The following COTL1 variants were observed in gnomAD, a reference collection of about 807,000 sequenced individuals.
The protein encoded by COTL1 is coactosin-like protein.
A neutral mutation model predicts 16.5 loss-of-function variants in COTL1; 15 were observed. The ratio of observed to expected loss-of-function variants is 0.91; its 90% CI spans 0.61 to 1.40. COTL1 has a LOEUF of 1.40. COTL1 is among the 40% of genes most tolerant of loss of function. The pLI is 0.00. For synonymous variants in COTL1, 112 were observed against 85.3 expected (o/e 1.31, Z -1.73); for missense variants, 220 against 201.5 (o/e 1.09, Z -0.56).
intron 3 of COTL1, among the ~76,000 whole-genome samples, chr16:84,581,978 C>CTTT (rs11332563): frequency 0.011 from 718 of 65,932 alleles, 1 homozygote; most frequent in Non-Finnish European, 0.017. Flanking sequence ...TACATTTCTT[C>CTTT]TTTTTTTTTT....
chr16:84,601,056 T>A (rs1271115781), intron 2 of COTL1, among the ~76,000 whole-genome samples: 2 of 152,138 alleles, frequency 1.3e-5, no homozygotes, highest in Non-Finnish European at 2.9e-5. Context: ...GAGGACCTTA[T>A]TACAGTATCT....
chr16:84,615,865 G>GTGTGTGTGTC (rs1352350863), intron 2 of COTL1: 1 of 151,326 alleles, frequency 6.6e-6, no homozygotes, highest in Non-Finnish European at 1.5e-5. Context: ...GTGTGTGTGT[G>GTGTGTGTGTC]TGTGTGTGTG....
chr16:84,593,927 T>A (rs1184306055), intron 2 of COTL1, among the ~76,000 whole-genome samples: 2 of 152,056 alleles, frequency 1.3e-5, no homozygotes, highest in African/African-American at 4.8e-5. Context: ...CACTCCCCAT[T>A]CTCCACCCCA....
chr16:84,603,793 C>T (rs1905152192), intron 2 of COTL1, among the ~76,000 whole-genome samples: 1 of 151,930 alleles, frequency 6.6e-6, no homozygotes, highest in Non-Finnish European at 1.5e-5. Context: ...AGACCCTGCC[C>T]AGCTGGGAAT....
At chr16:84,601,384 G>A (rs1905103483) in intron 2 of COTL1, among the ~76,000 whole-genome samples, 1 of 152,242 alleles carries the variant, frequency 6.6e-6, no homozygotes, top group South Asian at 2.1e-4. Flanking sequence ...ATCAAGGAAA[G>A]AAGGAAATCC....
intron 3 of COTL1, among the ~76,000 whole-genome samples, chr16:84,587,881 C>T (rs1298774165): frequency 6.6e-6 from 1 of 152,058 alleles, no homozygotes; most frequent in African/African-American, 2.4e-5. Flanking sequence ...AAGAGATTCT[C>T]CTGTCTCAGC....
chr16:84,569,759 G>C (rs1904315038), intron 3 of COTL1, among the ~76,000 whole-genome samples: 1 of 152,198 alleles, frequency 6.6e-6, no homozygotes, highest in African/African-American at 2.4e-5. Flanking sequence ...TTGGATGTAA[G>C]AGCCAGAAAG....
At chr16:84,591,924 TGTGCATGCGG>T (rs1904879765) in intron 2 of COTL1, among the ~76,000 whole-genome samples, 1 of 152,062 alleles carries the variant, frequency 6.6e-6, no homozygotes, top group Non-Finnish European at 1.5e-5. Context: ...TGTGTGTGCG[TGTGCATGCGG>T]GTGCATGTGT....
intron 2 of COTL1, among the ~76,000 whole-genome samples, chr16:84,613,237 T>A (rs1199360630): frequency 6.6e-6 from 1 of 152,060 alleles, no homozygotes; most frequent in Non-Finnish European, 1.5e-5. Flanking sequence ...TGACCTCAAG[T>A]GATCCACCTG....
At chr16:84,569,948 C>T (rs1255834730) in intron 3 of COTL1, among the ~76,000 whole-genome samples, 1 of 152,182 alleles carries the variant, frequency 6.6e-6, no homozygotes, top group Non-Finnish European at 1.5e-5. Context: ...CTTGAAGTTC[C>T]AGTCGGTTAG....
chr16:84,616,793 G>C (rs1905497336), intron 2 of COTL1, among the ~76,000 whole-genome samples: 1 of 152,144 alleles, frequency 6.6e-6, no homozygotes, highest in South Asian at 2.1e-4. Context: ...TAAGTATACA[G>C]TCTGATGATT....
At chr16:84,612,724 A>G (rs535088027) in intron 2 of COTL1, among the ~76,000 whole-genome samples, 20 of 152,222 alleles carry the variant, frequency 1.3e-4, no homozygotes, top group Non-Finnish European at 2.8e-4. Context: ...CAGAGGCTGC[A>G]CTCCAGCCTG....
At chr16:84,613,096 G>C (rs1235365012) in intron 2 of COTL1, among the ~76,000 whole-genome samples, 1 of 151,760 alleles carries the variant, frequency 6.6e-6, no homozygotes. Flanking sequence ...TGCCTCCTGG[G>C]TTCAAGTGAT....
intron 2 of COTL1, among the ~76,000 whole-genome samples, chr16:84,605,670 A>G (rs1046824648): frequency 2.6e-5 from 4 of 152,220 alleles, no homozygotes; most frequent in Admixed American, 1.3e-4. Flanking sequence ...AAGCCAAAGA[A>G]TGCAGGCAGT....
intron 3 of COTL1, among the ~76,000 whole-genome samples, chr16:84,588,878 G>A (rs1904795271): frequency 6.6e-6 from 1 of 152,264 alleles, no homozygotes; most frequent in Middle Eastern, 3.4e-3. Context: ...CAACCACCAT[G>A]ATAGTCAATT....
At chr16:84,589,093 C>T (rs1904800793) in intron 3 of COTL1, among the ~76,000 whole-genome samples, 1 of 152,130 alleles carries the variant, frequency 6.6e-6, no homozygotes, top group South Asian at 2.1e-4. Flanking sequence ...GCCTCAGCCT[C>T]CCAAGTAGCT....
intron 1 of COTL1, 84 bp downstream of exon 1, chr16:84,617,754 C>T: frequency 1.4e-6 from 2 of 1,435,848 alleles, no homozygotes; most frequent in Non-Finnish European, 1.9e-6. Context: ...GGCCCGAATC[C>T]GTCCCGCCTG....
chr16:84,571,344 C>T (rs1156574937), intron 3 of COTL1, among the ~76,000 whole-genome samples: 13 of 152,210 alleles, frequency 8.5e-5, no homozygotes. Flanking sequence ...GCCTTAGTAT[C>T]ACCATGGCCT....
chr16:84,592,839 C>T (rs547621255), intron 2 of COTL1, among the ~76,000 whole-genome samples: 21 of 152,236 alleles, frequency 1.4e-4, no homozygotes, highest in African/African-American at 4.8e-4. Context: ...ATCCATTTGT[C>T]CCCGGGAGCT....
Sources: gnomAD v4.1 joint callset for allele counts (sites outside exome capture counted in the v4.1 genomes callset) on GRCh38, gnomAD v4.1.1 for gene constraint, MANE v1.5 for transcripts, NCBI Gene and HGNC (gene_info 2026-07-23, HGNC 2026-07-21) for gene names.